CCSER1: variants seen among roughly 807,000 people sequenced by gnomAD.
CCSER1 encodes the protein coiled-coil serine rich protein 1, also known as serine-rich coiled-coil domain-containing protein 1.
CCSER1 carries 41 observed loss-of-function variants against 82.0 expected under a neutral mutation model. That is an observed-to-expected ratio of 0.50 (90% CI 0.39 to 0.65). CCSER1 has a LOEUF of 0.65. Ranked by LOEUF, CCSER1 falls within the 30% of genes least tolerant of loss-of-function variation. The pLI is 0.00. For missense variants in CCSER1, 1,119 were observed against 1,064.2 expected, an observed-to-expected ratio of 1.05 and a Z score of -0.72; for synonymous variants, 414 against 383.9, an observed-to-expected ratio of 1.08 and a Z score of -0.92.
chr4:90,780,930 C>T, intron 7 of CCSER1: 1 of 387,952 alleles, frequency 2.6e-6, no homozygotes, highest in Non-Finnish European at 3.5e-6. Context: ...GCAGACTGTA[C>T]AGGAAGCATA....
chr4:90,216,678 T>C (rs1741096510), intron 1 of CCSER1, among the ~76,000 whole-genome samples: 1 of 152,204 alleles, frequency 6.6e-6, no homozygotes, highest in South Asian at 2.1e-4. Context: ...TGTAGCATTA[T>C]AGTATAGTTT....
intron 7 of CCSER1, among the ~76,000 whole-genome samples, chr4:90,771,147 G>C (rs1752094258): frequency 6.6e-6 from 1 of 151,982 alleles, no homozygotes; most frequent in African/African-American, 2.4e-5. Context: ...TGATTTTAAA[G>C]TGCCTACACT....
intron 10 of CCSER1, among the ~76,000 whole-genome samples, chr4:91,410,368 G>C (rs888089470): frequency 1.3e-5 from 2 of 151,994 alleles, no homozygotes; most frequent in African/African-American, 4.8e-5. Context: ...GCTGAGAAGG[G>C]AATACAGAAT....
At chr4:90,790,961 C>G (rs1037101716) in intron 7 of CCSER1, among the ~76,000 whole-genome samples, 1 of 152,148 alleles carries the variant, frequency 6.6e-6, no homozygotes, top group African/African-American at 2.4e-5. Context: ...TTAGTCTGCT[C>G]TCATGCTGCT....
At chr4:91,086,708 A>G (rs1031914196) in intron 10 of CCSER1, among the ~76,000 whole-genome samples, 3 of 152,090 alleles carry the variant, frequency 2.0e-5, no homozygotes, top group Admixed American at 6.6e-5. Context: ...TGAGGAAAAA[A>G]ATCTTACTGT....
chr4:90,796,032 CT>C (rs1343689407), intron 7 of CCSER1, among the ~76,000 whole-genome samples: 4 of 151,074 alleles, frequency 2.6e-5, no homozygotes. Context: ...GGAGTCTCTC[CT>C]TCTCAGTTAT....
intron 10 of CCSER1, among the ~76,000 whole-genome samples, chr4:91,260,694 CTTG>C (rs1421578380): frequency 3.9e-5 from 6 of 152,084 alleles, no homozygotes; most frequent in Non-Finnish European, 5.9e-5. Flanking sequence ...GACTTATTGT[CTTG>C]TTGTCAAATT....
chr4:90,183,381 A>G (rs1008745772), intron 1 of CCSER1, among the ~76,000 whole-genome samples: 1 of 152,132 alleles, frequency 6.6e-6, no homozygotes, highest in African/African-American at 2.4e-5. Context: ...TACAAAGTCT[A>G]TAATGGTTTA....
intron 10 of CCSER1, among the ~76,000 whole-genome samples, chr4:91,558,417 G>A (rs139031728): frequency 1.2e-3 from 177 of 151,756 alleles, no homozygotes; most frequent in Non-Finnish European, 2.1e-3. Context: ...CTGTAACAAT[G>A]TGAGTTTTTT....
chr4:91,144,408 C>G (rs1222574661), intron 10 of CCSER1, among the ~76,000 whole-genome samples: 1 of 151,664 alleles, frequency 6.6e-6, no homozygotes, highest in East Asian at 1.9e-4. Context: ...TTCAAAGAAC[C>G]AATTTTTATT....
intron 7 of CCSER1, among the ~76,000 whole-genome samples, chr4:90,784,885 A>G (rs11730172): frequency 0.59 from 89,513 of 151,912 alleles, 26,708 homozygotes; most frequent in African/African-American, 0.68. Context: ...TCATAAGAAA[A>G]AGAAAATATA....
At chr4:90,215,944 G>A (rs1251635375) in intron 1 of CCSER1, among the ~76,000 whole-genome samples, 1 of 152,146 alleles carries the variant, frequency 6.6e-6, no homozygotes, top group African/African-American at 2.4e-5. Flanking sequence ...TTTGTAGTGT[G>A]TGTGAATATG....
intron 1 of CCSER1, among the ~76,000 whole-genome samples, chr4:90,174,652 T>TGCA (rs966400696): frequency 1.3e-5 from 2 of 151,914 alleles, no homozygotes; most frequent in African/African-American, 2.4e-5. Flanking sequence ...ACTCGAAGAA[T>TGCA]GCTGACATGT....
At chr4:90,818,713 C>G (rs963400402) in intron 8 of CCSER1, among the ~76,000 whole-genome samples, 1 of 152,166 alleles carries the variant, frequency 6.6e-6, no homozygotes, top group Non-Finnish European at 1.5e-5. Context: ...CATCCCTAGC[C>G]TCTCTCCTCT....
intron 6 of CCSER1, among the ~76,000 whole-genome samples, chr4:90,635,077 C>T (rs1350346609): frequency 6.6e-6 from 1 of 151,538 alleles, no homozygotes; most frequent in East Asian, 1.9e-4. Context: ...CAAAAACTGA[C>T]AGAACTAAGT....
chr4:90,614,816 T>C (rs1485652271), intron 5 of CCSER1, among the ~76,000 whole-genome samples: 1 of 152,172 alleles, frequency 6.6e-6, no homozygotes, highest in Non-Finnish European at 1.5e-5. Flanking sequence ...AAAATCTCAC[T>C]GAGACCATTG....
At chr4:91,103,786 AAAG>A (rs1725326800) in intron 10 of CCSER1, among the ~76,000 whole-genome samples, 2 of 152,188 alleles carry the variant, frequency 1.3e-5, no homozygotes. Flanking sequence ...GAACCTTGAA[AAAG>A]AAGAGAATAA....
chr4:91,033,673 T>C (rs919662668), intron 9 of CCSER1, among the ~76,000 whole-genome samples: 2 of 152,146 alleles, frequency 1.3e-5, no homozygotes, highest in African/African-American at 4.8e-5. Flanking sequence ...AGGCTAAGCA[T>C]CTAGCAGCAC....
intron 7 of CCSER1, among the ~76,000 whole-genome samples, chr4:90,776,545 T>TAATA (rs1222817327): frequency 2.0e-5 from 3 of 152,182 alleles, no homozygotes; most frequent in Non-Finnish European, 4.4e-5. Context: ...TAAACTTTGG[T>TAATA]AATAGACTTT....
Sources: gnomAD v4.1 joint callset for allele counts (sites outside exome capture counted in the v4.1 genomes callset) on GRCh38, gnomAD v4.1.1 for gene constraint, MANE v1.5 for transcripts, NCBI Gene and HGNC (gene_info 2026-07-23, HGNC 2026-07-21) for gene names.